NEXMIF: variants seen among roughly 807,000 people sequenced by gnomAD.
NEXMIF encodes neurite extension and migration factor.
A neutral mutation model predicts 62.1 loss-of-function variants in NEXMIF; 8 were observed. That is an observed-to-expected ratio of 0.13 (90% CI 0.08 to 0.23). The LOEUF (loss-of-function observed/expected upper bound fraction) is 0.23. Ranked by LOEUF, NEXMIF falls within the 10% of genes least tolerant of loss-of-function variation. The pLI is 1.00. For missense variants in NEXMIF, 976 were observed against 1,113.3 expected (o/e 0.88, Z 1.75); for synonymous variants, 404 against 416.6 (o/e 0.97, Z 0.37).
chrX:74,807,394 T>A (rs1453846504), intron 1 of NEXMIF, among the ~76,000 whole-genome samples: 1 of 111,484 alleles, frequency 9.0e-6, no homozygotes, highest in African/African-American at 3.3e-5. Context: ...TACCAAAAAC[T>A]CCTGGACTGA....
rs2147439105 is a variant in NEXMIF, at chrX:74,740,638, C to T, written c.3919G>A (p.Asp1307Asn). 2 of 1,211,901 alleles carry T rather than the reference C, an allele frequency of 1.7e-6. No individual in the cohort carries two copies. The highest frequency in any genetic ancestry group is 1.1e-6 in the Non-Finnish European group (1 of 895,505). The change falls in exon 3 of 4, where the codon GAT (aspartate) becomes AAT (asparagine). Residue 1307 changes from aspartate to asparagine, a missense_variant. Around this residue, in one of 5 missense-constraint regions of NEXMIF, gnomAD observed 29 missense variants for 56.5 expected, o/e 0.51. Transcript: ENST00000055682. ...SMGTNTNSLLDDDQREFQEPS... is the reference protein window; with the variant it reads ...SMGTNTNSLLNDDQREFQEPS... Reference sequence around the variant, plus strand: ...TCCTGAAATTCCCGTTGGTCATCATCCAGAAGGCTGTTGGTGTTGGTGCCC... The same window carrying T: ...TCCTGAAATTCCCGTTGGTCATCATTCAGAAGGCTGTTGGTGTTGGTGCCC...
chrX:74,872,412 G>C (rs1256808603), intron 1 of NEXMIF, among the ~76,000 whole-genome samples: 6 of 97,605 alleles, frequency 6.1e-5, no homozygotes, highest in African/African-American at 1.9e-4. Flanking sequence ...GCAGAAGGAT[G>C]GTTATCAGAG....
intron 1 of NEXMIF, among the ~76,000 whole-genome samples, chrX:74,803,680 G>T (rs2080336774): frequency 9.0e-6 from 1 of 111,202 alleles, no homozygotes; most frequent in Non-Finnish European, 1.9e-5. Flanking sequence ...ATACAATGCA[G>T]CTCAAATAGT....
chrX:74,790,650 A>C (rs371196392), intron 1 of NEXMIF, among the ~76,000 whole-genome samples: 12 of 112,657 alleles, frequency 1.1e-4, no homozygotes, highest in African/African-American at 2.9e-4. Flanking sequence ...CTTTTATTTC[A>C]TTGAGCAGTA....
chrX:74,788,322 A>G (rs768207251), intron 1 of NEXMIF, among the ~76,000 whole-genome samples: 35 of 111,920 alleles, frequency 3.1e-4, no homozygotes, highest in Non-Finnish European at 5.5e-4. Context: ...ACCTAATATC[A>G]ATAGTATTTC....
intron 1 of NEXMIF, among the ~76,000 whole-genome samples, chrX:74,874,993 C>A (rs1283418471): frequency 1.8e-5 from 2 of 111,229 alleles, no homozygotes; most frequent in African/African-American, 6.6e-5. Context: ...ATTTCCTTCT[C>A]CTGCCTCATT....
intron 1 of NEXMIF, among the ~76,000 whole-genome samples, chrX:74,794,327 G>T (rs1490168532): frequency 6.6e-4 from 70 of 105,539 alleles, no homozygotes; most frequent in African/African-American, 2.3e-3. Context: ...GAGGCAGTCT[G>T]CCCGTTCTCA....
intron 1 of NEXMIF, among the ~76,000 whole-genome samples, chrX:74,863,817 A>C (rs894511078): frequency 1.8e-5 from 2 of 111,976 alleles, no homozygotes; most frequent in Non-Finnish European, 3.8e-5. Context: ...AAAAAAGAAA[A>C]CTTCAGGCCA....
chrX:74,787,104 C>CAAAAA (rs766388500), intron 1 of NEXMIF, among the ~76,000 whole-genome samples: 2 of 31,746 alleles, frequency 6.3e-5, no homozygotes, highest in Non-Finnish European at 6.2e-5. Context: ...ACCAAAAATA[C>CAAAAA]AAAAAAAAAA....
At chrX:74,889,952 GTCTCTCTCTCTCTC>G (rs72364877) in intron 1 of NEXMIF, among the ~76,000 whole-genome samples, 1 of 91,145 alleles carries the variant, frequency 1.1e-5, no homozygotes, top group African/African-American at 3.8e-5. Flanking sequence ...AACCTAATCT[GTCTCTCTCTCTCTC>G]TCTCTCTCTC....
chrX:74,799,877 C>T (rs968714729), intron 1 of NEXMIF, among the ~76,000 whole-genome samples: 1 of 111,236 alleles, frequency 9.0e-6, no homozygotes, highest in Admixed American at 9.5e-5. Context: ...AAGTACCTAA[C>T]AAGAGAGGCC....
chrX:74,879,541 G>C (rs2080654293), intron 1 of NEXMIF, among the ~76,000 whole-genome samples: 1 of 112,177 alleles, frequency 8.9e-6, no homozygotes, highest in Non-Finnish European at 1.9e-5. Context: ...TAAAGATCAA[G>C]GCTGTGGTAT....
chrX:74,871,921 T>A (rs1460758025), intron 1 of NEXMIF, among the ~76,000 whole-genome samples: 1 of 111,438 alleles, frequency 9.0e-6, no homozygotes, highest in Non-Finnish European at 1.9e-5. Context: ...AACGCAATCA[T>A]TACAGGGTCC....
intron 1 of NEXMIF, among the ~76,000 whole-genome samples, chrX:74,839,318 G>A (rs2147488485): frequency 8.9e-6 from 1 of 111,947 alleles, no homozygotes; most frequent in South Asian, 3.7e-4. Context: ...AGAGATATGA[G>A]AGAAATATCC....
chrX:74,781,165 A>C (rs1384823304), intron 1 of NEXMIF, among the ~76,000 whole-genome samples: 1 of 111,990 alleles, frequency 8.9e-6, no homozygotes, highest in African/African-American at 3.2e-5. Context: ...TAGCTTTCAG[A>C]GGCCAGCTTT....
chrX:74,905,099 C>T (rs1363318619), intron 1 of NEXMIF, among the ~76,000 whole-genome samples: 1 of 111,285 alleles, frequency 9.0e-6, no homozygotes, highest in African/African-American at 3.3e-5. Context: ...TACATGTCAT[C>T]AGCTCCAGGG....
At chrX:74,883,215 C>G (rs150315594) in intron 1 of NEXMIF, among the ~76,000 whole-genome samples, 1,525 of 111,362 alleles carry the variant, frequency 0.014, 14 homozygotes, top group Non-Finnish European at 0.02. Flanking sequence ...AGCAGAAAAA[C>G]CGGAAACTCT....
chrX:74,857,038 A>C (rs1377849261), intron 1 of NEXMIF, among the ~76,000 whole-genome samples: 8 of 112,473 alleles, frequency 7.1e-5, no homozygotes, highest in Non-Finnish European at 1.3e-4. Flanking sequence ...AAGCTTTGCC[A>C]TCATCTGCTA....
At chrX:74,792,006 C>T (rs1327935920) in intron 1 of NEXMIF, among the ~76,000 whole-genome samples, 15 of 109,568 alleles carry the variant, frequency 1.4e-4, no homozygotes, top group African/African-American at 5.0e-4. Context: ...TTATTTCTTG[C>T]CTTCTGCTAG....
Sources: gnomAD v4.1 joint callset for allele counts (sites outside exome capture counted in the v4.1 genomes callset) on GRCh38, gnomAD v4.1.1 for gene constraint, gnomAD v4.1.1 regional missense constraint, MANE v1.5 for transcripts, NCBI Gene and HGNC (gene_info 2026-07-23, HGNC 2026-07-21) for gene names.